SCUBE1: variants seen among roughly 807,000 people sequenced by gnomAD.
SCUBE1 encodes signal peptide, CUB and EGF-like domain-containing protein 1.
Under a neutral mutation model 124.4 loss-of-function variants are expected in SCUBE1, and 59 were observed. The observed-to-expected ratio is 0.47, with a 90% CI of 0.38 to 0.59. SCUBE1 has a LOEUF of 0.59. Ranked by LOEUF, SCUBE1 falls within the 20% of genes least tolerant of loss-of-function variation. The pLI, the probability that SCUBE1 is intolerant of heterozygous loss-of-function variation, is 0.00. For synonymous variants in SCUBE1, 545 were observed against 550.9 expected (o/e 0.99, Z 0.15); for missense variants, 1,150 against 1,371.2 (o/e 0.84, Z 2.55).
Position 43,211,063 on chromosome 22 carries a change from G to C in SCUBE1, c.2242C>G (p.His748Asp). Residue 748 changes from histidine to aspartate, a missense_variant, in exon 18 of 22, where the codon CAC (histidine) becomes GAC (aspartate). Physicochemically the swap from His to Asp is moderately conservative, Grantham distance 81. Coordinates refer to ENST00000360835, the MANE Select transcript of SCUBE1 (RefSeq NM_173050.5). This position sits in a 1 kb window ranked among gnomAD's most constrained non-coding sequence, Gnocchi z 4.5. ...EAKVHCSPGH[H>D]YNTTTHRCIR... The stretch of plus-strand genomic sequence containing the variant: ...CAGCGGTGGGTGGTGGTGTTGTAGT[G>C]GTGGCCGGGGGAGCAGTGCACTGCC... 1.2e-6 allele frequency: 2 copies of C among 1,612,748 alleles called. No homozygotes were observed. The highest frequency in any genetic ancestry group is 2.2e-5 in the South Asian group (2 of 90,890).
At chr22:43,265,096 C>T (rs1161917335) in intron 4 of SCUBE1, among the ~76,000 whole-genome samples, 1 of 152,226 alleles carries the variant, frequency 6.6e-6, no homozygotes, top group Non-Finnish European at 1.5e-5. Flanking sequence ...TCACAGTTTA[C>T]AAGAAGCCTT....
At chr22:43,226,034 A>G (rs1216143401) in intron 10 of SCUBE1, among the ~76,000 whole-genome samples, 1 of 152,174 alleles carries the variant, frequency 6.6e-6, no homozygotes, top group Non-Finnish European at 1.5e-5. Context: ...TGATAAACTC[A>G]GCCTTTGGAT....
intron 1 of SCUBE1, among the ~76,000 whole-genome samples, chr22:43,340,481 TACACAC>T (rs3047392): frequency 0.1 from 14,271 of 135,962 alleles, 820 homozygotes; most frequent in African/African-American, 0.15. Context: ...TTGTCTCTTT[TACACAC>T]ACACACACAC....
In SCUBE1 at chr22:43,199,244, G is replaced by A. The variant is rs1184121181; in HGVS notation, c.*4753C>T. The A allele has an allele frequency of 2.7e-5, 5 of 182,132 alleles. No individual in the cohort carries two copies. Among genetic ancestry groups the A allele is most frequent in the Non-Finnish European group, 4.6e-5 (4 of 86,634 alleles). The allele number at this position is 182,132 out of a possible 1,614,324, so 11.3% of individuals were successfully genotyped here. A position where few individuals can be genotyped will look rare whatever the true frequency, so the allele number is the denominator to read the frequency against. ...TTCTGCTGGGGGTGGTGGAGGCACCGGAATAATATTCAACTCCAAAAATGT... is the reference window on the plus strand; with the variant it reads ...TTCTGCTGGGGGTGGTGGAGGCACCAGAATAATATTCAACTCCAAAAATGT... On this transcript the variant is annotated 3_prime_UTR_variant, in exon 22 of 22. Coordinates refer to ENST00000360835, the MANE Select transcript of SCUBE1 (RefSeq NM_173050.5).
chr22:43,320,013 G>A lies in SCUBE1; in HGVS notation c.273C>T (p.Cys91=). 1.9e-6 allele frequency: 3 copies of A among 1,614,112 alleles called. No homozygotes were observed. Among genetic ancestry groups the A allele is most frequent in the African/African-American group, 2.7e-5 (2 of 75,036 alleles). ...DYYNGGCVHE[C]INIPGNYRCT... ...ACCTGTAGTTCCCCGGGATGTTGAT[G>A]CACTCGTGGACACAGCCCCCATTGT... The change falls in exon 3 of 22, where the codon TGC becomes TGT. Residue 91 remains cysteine, a synonymous_variant. Transcript: ENST00000360835.
At chr22:43,261,907 C>A (rs115955955) in intron 5 of SCUBE1, among the ~76,000 whole-genome samples, 1,789 of 152,320 alleles carry the variant, frequency 0.012, 42 homozygotes, top group African/African-American at 0.041. Flanking sequence ...CCATCTCCCC[C>A]ACGTAGCTGT....
chr22:43,204,238 G>T, intron 21 of SCUBE1, 89 bp from the exon 22 acceptor site: 1 of 1,165,800 alleles, frequency 8.6e-7, no homozygotes, highest in Non-Finnish European at 1.3e-6. Context: ...GGAGAGAGAT[G>T]CGCTGGCTGG....
At chr22:43,230,343 G>C (rs917686360) in intron 8 of SCUBE1, among the ~76,000 whole-genome samples, 3 of 152,066 alleles carry the variant, frequency 2.0e-5, no homozygotes, top group Non-Finnish European at 4.4e-5. Flanking sequence ...GGTGTCTGGG[G>C]TCCCCTGAGT....
At chr22:43,312,612 G>C (rs577718727) in intron 3 of SCUBE1, among the ~76,000 whole-genome samples, 22 of 152,328 alleles carry the variant, frequency 1.4e-4, no homozygotes, top group Non-Finnish European at 2.4e-4. Flanking sequence ...AAGGTCCCAA[G>C]GGTGGCTCAA....
chr22:43,244,243 C>T (rs1923117655), intron 6 of SCUBE1, among the ~76,000 whole-genome samples: 1 of 152,204 alleles, frequency 6.6e-6, no homozygotes, highest in African/African-American at 2.4e-5. Context: ...TAACCAACTC[C>T]TCAGGACACA....
intron 6 of SCUBE1, among the ~76,000 whole-genome samples, chr22:43,241,258 C>T (rs1040566079): frequency 6.6e-6 from 1 of 152,106 alleles, no homozygotes; most frequent in South Asian, 2.1e-4. Context: ...TCCCTTAGGG[C>T]CCGTTCTTGG....
intron 4 of SCUBE1, among the ~76,000 whole-genome samples, chr22:43,264,753 G>C (rs1474764763): frequency 6.6e-6 from 1 of 152,210 alleles, no homozygotes; most frequent in East Asian, 1.9e-4. Context: ...AATGCCTGCT[G>C]GGCAGCCCCC....
Position 43,258,192 on chromosome 22 carries a change from T to C in SCUBE1, c.727+27A>G, listed in dbSNP as rs1241632594. 1 of 1,484,296 alleles carries C rather than the reference T, an allele frequency of 6.7e-7. No homozygotes were observed. 91.9% of individuals were successfully genotyped at this position (1,484,296 alleles called of 1,614,324 possible). On this transcript the variant is annotated intron_variant, in intron 6 of 21. Coordinates refer to ENST00000360835, the MANE Select transcript of SCUBE1 (RefSeq NM_173050.5). The surrounding 1 kb of genome is among the most constrained non-coding windows in gnomAD (Gnocchi z 5.0). ...GGGTCGGGGGCGGGGGGCGCAAGGG[T>C]GGTGTGTGGCAGAGGTGCCTACTTA...
chr22:43,217,327 CG>C (rs1569497668), intron 15 of SCUBE1, among the ~76,000 whole-genome samples: 1 of 151,334 alleles, frequency 6.6e-6, no homozygotes, highest in African/African-American at 2.4e-5. Context: ...ACCCCATCCC[CG>C]CAGCCCACTC....
chr22:43,261,840 G>A (rs1923882671), intron 5 of SCUBE1, among the ~76,000 whole-genome samples: 1 of 152,224 alleles, frequency 6.6e-6, no homozygotes, highest in Admixed American at 6.5e-5. Context: ...GGGCAAATAT[G>A]ACATCGCTTT....
At chr22:43,219,942 AG>A (rs1922019643) in intron 14 of SCUBE1, among the ~76,000 whole-genome samples, 1 of 151,734 alleles carries the variant, frequency 6.6e-6, no homozygotes, top group Admixed American at 6.6e-5. Context: ...TTCTTTCCAC[AG>A]CGCCCAAGCC....
chr22:43,301,716 C>T (rs1049304149), intron 3 of SCUBE1, among the ~76,000 whole-genome samples: 2 of 152,230 alleles, frequency 1.3e-5, no homozygotes, highest in African/African-American at 4.8e-5. Flanking sequence ...CCAGGCAACA[C>T]AGAGCCCCTG....
rs182237326 is a variant in SCUBE1 at position 43,199,186 on chromosome 22, G to A, written c.*4811C>T. ...CAGGAGGTGCTCAGTAAATGTTTGC[G>A]AAATGACTCAACTTATTTCAGTATC... On this transcript the variant is annotated 3_prime_UTR_variant, in exon 22 of 22. Transcript: ENST00000360835. 46 of 190,440 alleles carry A rather than the reference G, an allele frequency of 2.4e-4. No homozygotes were observed. In the East Asian group the frequency reaches 6.0e-3, roughly 25 times the overall value. The allele number at this position is 190,440 out of a possible 1,614,324, so 11.8% of individuals were successfully genotyped here.
chr22:43,260,765 A>G (rs1923841478), intron 5 of SCUBE1, among the ~76,000 whole-genome samples: 1 of 152,214 alleles, frequency 6.6e-6, no homozygotes, highest in South Asian at 2.1e-4. Flanking sequence ...TTCTTAAGCC[A>G]GCACATATTC....
Sources: gnomAD v4.1 joint callset for allele counts (sites outside exome capture counted in the v4.1 genomes callset) on GRCh38, gnomAD v4.1.1 for gene constraint, Gnocchi (gnomAD v3.1) non-coding constraint, MANE v1.5 for transcripts, NCBI Gene and HGNC (gene_info 2026-07-23, HGNC 2026-07-21) for gene names.